DSCAM: variants seen among roughly 807,000 people sequenced by gnomAD.
DSCAM encodes the protein DS cell adhesion molecule.
In DSCAM, 47 loss-of-function variants were observed where a neutral mutation model predicts 217.7. The observed-to-expected ratio is 0.22, with a 90% CI of 0.17 to 0.28. The LOEUF (loss-of-function observed/expected upper bound fraction) is 0.28. DSCAM is among the 10% of genes least tolerant of loss of function. DSCAM has a pLI of 1.00. For synonymous variants in DSCAM, 1,056 were observed against 1,015.3 expected, an observed-to-expected ratio of 1.04 and a Z score of -0.76; for missense variants, 2,080 against 2,618.3, an observed-to-expected ratio of 0.79 and a Z score of 4.49.
intron 4 of DSCAM, among the ~76,000 whole-genome samples, chr21:40,358,912 T>C (rs2074727075): frequency 6.6e-6 from 1 of 151,284 alleles, no homozygotes; most frequent in East Asian, 1.9e-4. Context: ...CCAAAAAATA[T>C]TAAAAATGCT....
intron 1 of DSCAM, among the ~76,000 whole-genome samples, chr21:40,712,526 T>C (rs1259470318): frequency 2.0e-5 from 3 of 146,922 alleles, no homozygotes; most frequent in Non-Finnish European, 4.5e-5. Context: ...TATATAAACA[T>C]TTTGATTTTT....
chr21:40,480,066 G>A (rs759803604), intron 3 of DSCAM, among the ~76,000 whole-genome samples: 22 of 152,118 alleles, frequency 1.4e-4, no homozygotes, highest in Non-Finnish European at 2.2e-4. Context: ...AGTCAGCTGT[G>A]ACAGAAACTG....
At chr21:40,821,360 T>TGTGC (rs1178896314) in intron 1 of DSCAM, among the ~76,000 whole-genome samples, 4 of 151,546 alleles carry the variant, frequency 2.6e-5, no homozygotes, top group African/African-American at 7.3e-5. Flanking sequence ...TCTAGATTTA[T>TGTGC]GTGCATGCAT....
In DSCAM at chr21:40,361,351, C is replaced by T. The variant is rs185515369; in HGVS notation, c.656-7608G>A. Among the ~76,000 whole-genome samples the T allele has an allele frequency of 5.3e-5, 8 of 152,044 alleles. No homozygotes were observed. In the South Asian group the frequency reaches 8.3e-4, roughly 16 times the overall value. ...AAGGGAAACTATAGGCTGGGTGCAG[C>T]GGCTCACGCCTGTAATCCCAGCACT... On this transcript the variant is annotated intron_variant, in intron 4 of 32. Coordinates refer to ENST00000400454, the MANE Select transcript of DSCAM (RefSeq NM_001389.5).
intron 3 of DSCAM, among the ~76,000 whole-genome samples, chr21:40,677,462 T>C (rs1418735261): frequency 6.6e-6 from 1 of 152,178 alleles, no homozygotes; most frequent in Non-Finnish European, 1.5e-5. Flanking sequence ...AGGCCTGGAC[T>C]GTTGCAGCTT....
chr21:40,556,069 A>T (rs946613494), intron 3 of DSCAM, among the ~76,000 whole-genome samples: 1 of 152,196 alleles, frequency 6.6e-6, no homozygotes, highest in Non-Finnish European at 1.5e-5. Context: ...AGTGATGTTT[A>T]ATATTTGCTT....
chr21:40,706,501 C>T (rs1198426480), intron 2 of DSCAM, among the ~76,000 whole-genome samples: 1 of 152,140 alleles, frequency 6.6e-6, no homozygotes, highest in East Asian at 1.9e-4. Context: ...CCTTGTGCTG[C>T]CAAGGGAAAG....
In DSCAM at chr21:40,043,326, TCTC is replaced by T. The variant is rs1180087018; in HGVS notation, c.5384-656_5384-654del. ...TCAAATGCACTAAAAAGTTTTAGGG[TCTC>T]CTCTGTGTGGAACTCTGAGACTCTT... On this transcript the variant is annotated intron_variant, in intron 31 of 32. Transcript: ENST00000400454. 3.9e-5 allele frequency among the ~76,000 whole-genome samples: 6 copies of T among 152,184 alleles called. No individual in the cohort carries two copies. In the East Asian group the frequency reaches 9.7e-4, roughly 24 times the overall value.
At chr21:40,445,996 G>A (rs1449007772) in intron 3 of DSCAM, among the ~76,000 whole-genome samples, 1 of 152,100 alleles carries the variant, frequency 6.6e-6, no homozygotes, top group Non-Finnish European at 1.5e-5. Flanking sequence ...GCTTAATGAG[G>A]GATCAACTTG....
intron 1 of DSCAM, among the ~76,000 whole-genome samples, chr21:40,725,522 C>T (rs74808397): frequency 0.012 from 1,829 of 152,304 alleles, 20 homozygotes; most frequent in South Asian, 0.054. Context: ...ACAGACTGTT[C>T]GTATATGTGA....
intron 1 of DSCAM, among the ~76,000 whole-genome samples, chr21:40,822,386 C>T (rs1021945790): frequency 7.5e-6 from 1 of 132,816 alleles, no homozygotes; most frequent in African/African-American, 2.8e-5. Context: ...TATAATCTAA[C>T]TAAATTGGAT....
chr21:40,046,546 CATT>C (rs1009032139), intron 30 of DSCAM, among the ~76,000 whole-genome samples: 2 of 152,156 alleles, frequency 1.3e-5, no homozygotes, highest in Admixed American at 6.5e-5. Context: ...GACAGAAAAA[CATT>C]ATGATGGGGA....
intron 3 of DSCAM, among the ~76,000 whole-genome samples, chr21:40,528,783 A>G (rs1484707472): frequency 1.3e-5 from 2 of 152,128 alleles, no homozygotes; most frequent in African/African-American, 4.8e-5. Context: ...CTCTGCTTTC[A>G]GAATCCTAGA....
At chr21:40,698,245 C>T (rs1051961948) in intron 2 of DSCAM, among the ~76,000 whole-genome samples, 4 of 152,154 alleles carry the variant, frequency 2.6e-5, no homozygotes, top group Non-Finnish European at 5.9e-5. Flanking sequence ...CATAATAAAT[C>T]TAAGCACTGG....
intron 11 of DSCAM, among the ~76,000 whole-genome samples, chr21:40,232,902 C>A (rs2837522): frequency 0.5 from 76,618 of 151,882 alleles, 20,463 homozygotes; most frequent in African/African-American, 0.7. Flanking sequence ...ATGCCCAGAA[C>A]AGTTCTGTTA....
rs189131724 is a variant in DSCAM at position 40,405,043 on chromosome 21, G to T, written c.509-35798C>A. ...GCTATTTTGGTTTTTCAACTGGGCA[G>T]CTGGCTCCCGTATAACAGAAGCCAT... On this transcript the variant is annotated intron_variant, in intron 3 of 32. Coordinates refer to ENST00000400454, the MANE Select transcript of DSCAM (RefSeq NM_001389.5). 2.0e-5 allele frequency among the ~76,000 whole-genome samples: 3 copies of T among 152,270 alleles called. No individual in the cohort carries two copies. In the East Asian group the frequency reaches 5.8e-4, roughly 29 times the overall value.
At chr21:40,146,966 C>T (rs1601383275) in intron 16 of DSCAM, among the ~76,000 whole-genome samples, 1 of 152,226 alleles carries the variant, frequency 6.6e-6, no homozygotes, top group Non-Finnish European at 1.5e-5. Context: ...AATGAATTTC[C>T]CTGTAAACGT....
chr21:40,560,568 C>G (rs1311160928), intron 3 of DSCAM, among the ~76,000 whole-genome samples: 1 of 152,230 alleles, frequency 6.6e-6, no homozygotes, highest in Non-Finnish European at 1.5e-5. Context: ...TCTGGAGAAA[C>G]TCATTGTAAG....
chr21:40,706,491 C>T (rs750058527), intron 2 of DSCAM, among the ~76,000 whole-genome samples: 1 of 152,120 alleles, frequency 6.6e-6, no homozygotes, highest in Non-Finnish European at 1.5e-5. Flanking sequence ...AATGAGAATC[C>T]CTTGTGCTGC....
Sources: allele counts gnomAD v4.1 joint callset (sites outside exome capture counted in the v4.1 genomes callset), GRCh38; gene constraint gnomAD v4.1.1; transcripts MANE v1.5; gene names NCBI Gene and HGNC (gene_info 2026-07-23, HGNC 2026-07-21).